The following FAS variants were observed in gnomAD, a reference collection of about 807,000 sequenced individuals.
FAS encodes Fas cell surface death receptor.
In FAS, 5 loss-of-function variants were observed where a neutral mutation model predicts 33.2. The observed-to-expected ratio is 0.15, with a 90% confidence interval of 0.08 to 0.32. The LOEUF (loss-of-function observed/expected upper bound fraction) is 0.32. FAS is among the 10% of genes least tolerant of loss of function. The pLI is 1.00. For missense variants in FAS, 339 were observed against 386.0 expected (o/e 0.88, Z 1.02); for synonymous variants, 131 against 130.7 (o/e 1.00, Z -0.01).
rs750066201 is a variant in FAS, at chr10:88,990,934, C to T, written c.30+28C>T. The T allele has an allele frequency of 3.7e-6, 6 of 1,613,984 alleles. No individual in the cohort carries two copies. The highest frequency in any genetic ancestry group is 5.1e-6 in the Non-Finnish European group (6 of 1,179,960). On this transcript the variant is annotated intron_variant, in intron 1 of 8. Coordinates refer to ENST00000652046, the MANE Select transcript of FAS (RefSeq NM_000043.6). This position sits in a 1 kb window ranked among gnomAD's most constrained non-coding sequence, Gnocchi z 4.9. ...GAGCCCTCTCCTGCCCGGGTGGAGG[C>T]TTACCCCGTCTTAGTCCCGGGGATA...
intron 7 of FAS, chr10:89,012,915 C>G (rs1472064104): frequency 6.6e-6 from 1 of 152,152 alleles, no homozygotes; most frequent in African/African-American, 2.4e-5. Context: ...TATTTGGGGC[C>G]AGGGCTCAGT....
chr10:89,013,432 G>A, intron 8 of FAS, 65 bp downstream of exon 8: 2 of 1,419,608 alleles, frequency 1.4e-6, no homozygotes, highest in South Asian at 2.4e-5. Context: ...CAATTTCAGA[G>A]TAAAATAATG....
At chr10:89,009,721 A>ACAGTTGT (rs9658758) in intron 4 of FAS, among the ~76,000 whole-genome samples, 6,148 of 152,208 alleles carry the variant, frequency 0.04, 210 homozygotes, top group Admixed American at 0.12. Flanking sequence ...AATTTTATGT[A>ACAGTTGT]CAGTTGTCCC....
chr10:88,989,236 AT>A (rs1847022880), upstream of FAS, among the ~76,000 whole-genome samples: 1 of 152,072 alleles, frequency 6.6e-6, no homozygotes. Flanking sequence ...AGAGATACTG[AT>A]TTTGTCAATT....
In FAS at chr10:89,008,869, T is replaced by C. The variant is rs1222787509; in HGVS notation, c.335-20T>C. On this transcript the variant is annotated intron_variant, in intron 3 of 8. Coordinates refer to ENST00000652046, the MANE Select transcript of FAS (RefSeq NM_000043.6). The stretch of plus-strand genomic sequence containing the variant: ...TATAATTAGCCGCTATAACTAATAG[T>C]TTCCAAACTGATTTTCTAGGCTTAG... The C allele has an allele frequency of 6.2e-7, 1 of 1,609,512 alleles. No homozygotes were observed. The highest frequency in any genetic ancestry group is 2.2e-5 in the East Asian group (1 of 44,866).
chr10:89,012,238 T>C (rs1011662263), intron 7 of FAS, 157 bp downstream of exon 7: 4 of 643,614 alleles, frequency 6.2e-6, no homozygotes, highest in South Asian at 1.7e-5. Flanking sequence ...AGTGCAGGGG[T>C]GCAATCATGG....
intron 4 of FAS, among the ~76,000 whole-genome samples, chr10:89,010,335 T>C (rs1440898299): frequency 6.6e-6 from 1 of 151,954 alleles, no homozygotes; most frequent in Non-Finnish European, 1.5e-5. Flanking sequence ...GACAGAGTCA[T>C]TCCTTATGAT....
rs1847207382 is a variant in FAS, at chr10:88,991,412, A to T, written c.30+506A>T. The stretch of plus-strand genomic sequence containing the variant: ...AGAGAGCCTGCAGCCTTCAGAACAG[A>T]TATTGCTCATTTTCTGGCAGTTCTC... On this transcript the variant is annotated intron_variant, in intron 1 of 8. Transcript: ENST00000652046. The T allele has an allele frequency of 3.8e-5, 9 of 235,254 alleles. No homozygotes were observed. The South Asian group carries it at 5.9e-4, about 15-fold the overall frequency. The allele number at this position is 235,254 out of a possible 1,614,324, so 14.6% of individuals were successfully genotyped here. A position where few individuals can be genotyped will look rare whatever the true frequency, so the allele number is the denominator to read the frequency against.
rs982155507 is a variant in FAS at position 89,014,972 on chromosome 10, T to C, written c.*522T>C. The C allele has an allele frequency of 8.1e-5, 43 of 534,084 alleles. No homozygotes were observed. Among genetic ancestry groups the C allele is most frequent in the African/African-American group, 6.1e-4 (33 of 53,946 alleles). The allele number at this position is 534,084 out of a possible 1,614,324, so 33.1% of individuals were successfully genotyped here. ...GAGAAGATCATATTTATGTAAAGTA[T>C]ATGTATTTGAGTGCAGAATTTAAAT... On this transcript the variant is annotated 3_prime_UTR_variant, in exon 9 of 9. Transcript: ENST00000652046.
At chr10:88,965,226 T>C (rs1385602694) in intron 1 of FAS, among the ~76,000 whole-genome samples, 1 of 152,118 alleles carries the variant, frequency 6.6e-6, no homozygotes, top group East Asian at 1.9e-4. Flanking sequence ...CACCATTAGG[T>C]TGTAAACTTT....
intron 1 of FAS, among the ~76,000 whole-genome samples, chr10:88,970,690 A>G (rs1019931967): frequency 2.0e-5 from 3 of 152,128 alleles, no homozygotes; most frequent in African/African-American, 7.2e-5. Context: ...GGACACAGGA[A>G]GAGGAACATC....
chr10:88,968,874 T>C (rs1364550700), intron 1 of FAS, among the ~76,000 whole-genome samples: 1 of 152,190 alleles, frequency 6.6e-6, no homozygotes, highest in African/African-American at 2.4e-5. Context: ...TCTTGGAAAG[T>C]AGATGTGGAG....
At chr10:88,995,368 G>A (rs1251612453) in intron 1 of FAS, among the ~76,000 whole-genome samples, 2 of 152,186 alleles carry the variant, frequency 1.3e-5, no homozygotes, top group Non-Finnish European at 2.9e-5. Flanking sequence ...AAGGAAATGA[G>A]GTGGTTCTTC....
upstream of FAS, among the ~76,000 whole-genome samples, chr10:88,985,479 G>A (rs971061252): frequency 1.6e-4 from 24 of 152,142 alleles, no homozygotes; most frequent in African/African-American, 5.6e-4. Flanking sequence ...TTCTACCCAA[G>A]TGCTCTGGGG....
chr10:88,999,152 C>CAAAAAA (rs762435847), intron 1 of FAS, among the ~76,000 whole-genome samples: 57 of 100,966 alleles, frequency 5.6e-4, no homozygotes, highest in South Asian at 9.8e-4. Flanking sequence ...GACTCCGTCT[C>CAAAAAA]AAAAAAATAA....
intron 1 of FAS, among the ~76,000 whole-genome samples, chr10:88,964,968 C>G (rs1290567713): frequency 1.3e-5 from 2 of 152,114 alleles, no homozygotes; most frequent in African/African-American, 4.8e-5. Context: ...TTCCTCCTTC[C>G]CCACAACACA....
intron 1 of FAS, chr10:88,973,086 T>A: frequency 7.3e-7 from 1 of 1,373,814 alleles, no homozygotes. Flanking sequence ...TTTCAAAAAA[T>A]AATTTTAACT....
At chr10:88,983,924 C>T (rs1216906828), upstream of FAS, among the ~76,000 whole-genome samples, 4 of 152,166 alleles carry the variant, frequency 2.6e-5, no homozygotes, top group African/African-American at 9.7e-5. Context: ...ATTTCTCCCT[C>T]AGTTTACTGT....
chr10:89,008,055 T>G (rs1848334873), intron 3 of FAS, among the ~76,000 whole-genome samples: 1 of 152,152 alleles, frequency 6.6e-6, no homozygotes, highest in South Asian at 2.1e-4. Flanking sequence ...TATAGGAGAA[T>G]GAGTAAATAT....
Sources: allele counts gnomAD v4.1 joint callset (sites outside exome capture counted in the v4.1 genomes callset), GRCh38; gene constraint gnomAD v4.1.1; non-coding constraint Gnocchi (gnomAD v3.1); transcripts MANE v1.5; gene names NCBI Gene and HGNC (gene_info 2026-07-23, HGNC 2026-07-21).